Variants in COL19A1 observed in about 807,000 individuals in gnomAD.
COL19A1 encodes the protein collagen type XIX alpha 1 chain, also known as collagen alpha-1(XIX) chain.
A neutral mutation model predicts 190.2 loss-of-function variants in COL19A1; 159 were observed. The ratio of observed to expected loss-of-function variants is 0.84; its 90% CI spans 0.73 to 0.95. The LOEUF is 0.95. COL19A1 is among the 40% of genes least tolerant of loss of function. The probability of loss-of-function intolerance (pLI) is 0.00; values close to 1 mark genes in which losing one functional copy is unlikely to be tolerated. For missense variants in COL19A1, 1,418 were observed against 1,431.9 expected (o/e 0.99, Z 0.16); for synonymous variants, 509 against 458.9 (o/e 1.11, Z -1.39).
chr6:69,999,269 C>A (rs13213625), intron 11 of COL19A1, among the ~76,000 whole-genome samples: 1 of 150,880 alleles, frequency 6.6e-6, no homozygotes, highest in Admixed American at 6.6e-5. Flanking sequence ...TAGTGGCTCA[C>A]GCCTGTAATC....
intron 11 of COL19A1, among the ~76,000 whole-genome samples, chr6:69,973,089 A>C (rs896591180): frequency 6.6e-6 from 1 of 152,220 alleles, no homozygotes; most frequent in Non-Finnish European, 1.5e-5. Context: ...CATTTATGTA[A>C]TGATTAAGGC....
intron 19 of COL19A1, among the ~76,000 whole-genome samples, chr6:70,139,056 C>T (rs914526380): frequency 9.9e-5 from 15 of 152,022 alleles, no homozygotes; most frequent in African/African-American, 3.6e-4. Context: ...GCATGGAGGA[C>T]CCTGCAGTAA....
intron 16 of COL19A1, among the ~76,000 whole-genome samples, chr6:70,106,329 CGTGTGTGTGTGTGTGT>C (rs55854953): frequency 3.3e-5 from 5 of 149,348 alleles, no homozygotes; most frequent in African/African-American, 1.2e-4. Context: ...TAAGTGTGTG[CGTGTGTGTGTGTGTGT>C]GTGTGTGTGT....
intron 17 of COL19A1, among the ~76,000 whole-genome samples, chr6:70,127,319 G>T (rs1785261044): frequency 6.6e-6 from 1 of 152,136 alleles, no homozygotes; most frequent in African/African-American, 2.4e-5. Flanking sequence ...GTCTTTTGAA[G>T]GTATTTCTCT....
chr6:70,106,967 G>A (rs1046798130), intron 16 of COL19A1, among the ~76,000 whole-genome samples: 10 of 152,214 alleles, frequency 6.6e-5, no homozygotes, highest in African/African-American at 2.2e-4. Context: ...CAGACCAGGA[G>A]AATGTATTAC....
intron 1 of COL19A1, among the ~76,000 whole-genome samples, chr6:69,878,048 G>T (rs1768250959): frequency 6.6e-6 from 1 of 151,876 alleles, no homozygotes; most frequent in Non-Finnish European, 1.5e-5. Flanking sequence ...AAGGGCAAAG[G>T]AGTTGAATAG....
chr6:69,906,705 C>G (rs1229450042), intron 4 of COL19A1, among the ~76,000 whole-genome samples: 1 of 152,122 alleles, frequency 6.6e-6, no homozygotes, highest in East Asian at 1.9e-4. Context: ...AAATAAATCT[C>G]TAGTGAAAGG....
At chr6:69,882,972 A>C (rs904969079) in intron 2 of COL19A1, among the ~76,000 whole-genome samples, 8 of 152,206 alleles carry the variant, frequency 5.3e-5, no homozygotes, top group African/African-American at 1.9e-4. Context: ...TGTAACTCCT[A>C]AATTTTGAAA....
chr6:69,932,943 A>G, intron 7 of COL19A1, 80 bp downstream of exon 7: 1 of 900,556 alleles, frequency 1.1e-6, no homozygotes, highest in East Asian at 2.7e-5. Flanking sequence ...GTCCAAATGT[A>G]GGGTAGCACT....
chr6:70,190,256 T>G (rs1333462768), intron 47 of COL19A1, 59 bp from the exon 48 acceptor site: 8 of 1,302,780 alleles, frequency 6.1e-6, no homozygotes, highest in Non-Finnish European at 7.6e-6. Context: ...CCAATATTTC[T>G]ATTCTTTATT....
intron 11 of COL19A1, among the ~76,000 whole-genome samples, chr6:70,019,658 G>T (rs1203479240): frequency 6.6e-6 from 1 of 152,006 alleles, no homozygotes; most frequent in Non-Finnish European, 1.5e-5. Flanking sequence ...GGATTTCGTT[G>T]AAGTTTTTAT....
chr6:69,961,723 A>G (rs1033170648), intron 10 of COL19A1, among the ~76,000 whole-genome samples: 7 of 152,048 alleles, frequency 4.6e-5, no homozygotes, highest in African/African-American at 7.2e-5. Context: ...ACACACATAT[A>G]TTATTTAATC....
At chr6:69,963,782 T>C (rs1156575583) in intron 11 of COL19A1, among the ~76,000 whole-genome samples, 1 of 152,184 alleles carries the variant, frequency 6.6e-6, no homozygotes, top group Non-Finnish European at 1.5e-5. Context: ...GGGTGCTTAA[T>C]TTTACATGTT....
chr6:70,134,238 C>A (rs1785698676), intron 18 of COL19A1, among the ~76,000 whole-genome samples: 1 of 152,118 alleles, frequency 6.6e-6, no homozygotes. Context: ...CAATTTGTTC[C>A]TAAATGTATC....
intron 27 of COL19A1, 78 bp from the exon 28 acceptor site, chr6:70,149,626 C>G: frequency 3.2e-6 from 5 of 1,563,172 alleles, no homozygotes; most frequent in Non-Finnish European, 4.4e-6. Flanking sequence ...AACTACAATG[C>G]TTAGTCTTTT....
intron 4 of COL19A1, among the ~76,000 whole-genome samples, chr6:69,912,441 G>A (rs1316176767): frequency 2.0e-5 from 3 of 152,166 alleles, no homozygotes; most frequent in African/African-American, 7.2e-5. Flanking sequence ...ATGCACATGT[G>A]TTCATGTTCA....
chr6:70,028,686 A>G (rs1034194184), intron 12 of COL19A1, among the ~76,000 whole-genome samples: 1 of 152,132 alleles, frequency 6.6e-6, no homozygotes, highest in Non-Finnish European at 1.5e-5. Flanking sequence ...GGCAGCTTCT[A>G]AGGCTTTTCA....
At chr6:69,963,070 G>A (rs968050704) in intron 11 of COL19A1, among the ~76,000 whole-genome samples, 200 bp downstream of exon 11, 1 of 152,020 alleles carries the variant, frequency 6.6e-6, no homozygotes, top group Non-Finnish European at 1.5e-5. Flanking sequence ...TATTTGGATG[G>A]TATTAATAGT....
intron 14 of COL19A1, among the ~76,000 whole-genome samples, chr6:70,048,259 A>C (rs1780012165): frequency 6.6e-6 from 1 of 152,160 alleles, no homozygotes; most frequent in Non-Finnish European, 1.5e-5. Flanking sequence ...TTCAATTAGC[A>C]GATGCCCCTA....
Sources: allele counts gnomAD v4.1 joint callset (sites outside exome capture counted in the v4.1 genomes callset), GRCh38; gene constraint gnomAD v4.1.1; transcripts MANE v1.5; gene names NCBI Gene and HGNC (gene_info 2026-07-23, HGNC 2026-07-21).